The following SKAP2 variants were observed in gnomAD, a reference collection of about 807,000 sequenced individuals.
SKAP2 encodes the protein src kinase-associated phosphoprotein 2.
A neutral mutation model predicts 54.9 loss-of-function variants in SKAP2; 28 were observed. The observed-to-expected ratio is 0.51, with a 90% confidence interval of 0.38 to 0.70. The LOEUF (loss-of-function observed/expected upper bound fraction) is 0.70, where lower values mean the gene tolerates loss of function less well. Among genes scored for constraint, SKAP2 ranks in the 30% least tolerant of loss-of-function variants. The pLI is 0.00. For missense variants in SKAP2, 356 were observed against 424.1 expected, an observed-to-expected ratio of 0.84 and a Z score of 1.41; for synonymous variants, 137 against 134.3, an observed-to-expected ratio of 1.02 and a Z score of -0.14.
intron 6 of SKAP2, among the ~76,000 whole-genome samples, chr7:26,737,838 TGAGA>T (rs1156700837): frequency 1.3e-5 from 2 of 152,230 alleles, no homozygotes; most frequent in Admixed American, 6.5e-5. Flanking sequence ...GAACTACAAC[TGAGA>T]GATTTATTAA....
intron 4 of SKAP2, among the ~76,000 whole-genome samples, chr7:26,772,354 G>C (rs1562604991): frequency 6.6e-6 from 1 of 152,110 alleles, no homozygotes; most frequent in Non-Finnish European, 1.5e-5. Flanking sequence ...TACCCAATAG[G>C]TAGTTTTTTG....
intron 4 of SKAP2, among the ~76,000 whole-genome samples, chr7:26,822,288 T>C (rs903070650): frequency 6.6e-5 from 10 of 152,226 alleles, no homozygotes; most frequent in Non-Finnish European, 1.2e-4. Context: ...CACCATTTTT[T>C]CAATTGCACA....
chr7:26,844,126 C>T lies in SKAP2; in HGVS notation c.211G>A (p.Asp71Asn), dbSNP rs1784875326. 1.3e-6 allele frequency: 2 copies of T among 1,594,132 alleles called. No individual in the cohort carries two copies. The highest frequency in any genetic ancestry group is 1.1e-5 in the South Asian group (1 of 90,530). The change falls in exon 4 of 13, where the codon GAT (aspartate) becomes AAT (asparagine). Residue 71 changes from aspartate to asparagine, a missense_variant. By Grantham distance (23) the Asp-to-Asn change is conservative. Transcript: ENST00000345317. Reference protein sequence around the residue: ...QEFQDKGDAEDGEEYDDPFAG... With the variant: ...QEFQDKGDAENGEEYDDPFAG... ...AAAGGGTCATCATATTCTTCCCCAT[C>T]TTCTGCATCACCTGTTAAAAAAAAA...
intron 4 of SKAP2, among the ~76,000 whole-genome samples, chr7:26,756,778 T>C (rs1252219283): frequency 1.3e-5 from 2 of 152,250 alleles, no homozygotes; most frequent in Non-Finnish European, 2.9e-5. Context: ...ATGGTTGAAC[T>C]AGTTTACAGT....
At chr7:26,774,029 T>C (rs921853416) in intron 4 of SKAP2, among the ~76,000 whole-genome samples, 9 of 152,138 alleles carry the variant, frequency 5.9e-5, no homozygotes, top group African/African-American at 2.2e-4. Context: ...TAAAAGCCTA[T>C]TGGCAGGACA....
At position 26,757,089 on chromosome 7, in the gene SKAP2, C is replaced by T. The variant is rs530324902; in HGVS notation, c.308-17125G>A. On this transcript the variant is annotated intron_variant, in intron 4 of 12. Coordinates refer to ENST00000345317, the MANE Select transcript of SKAP2 (RefSeq NM_003930.5). Reference sequence around the variant, plus strand: ...GGATATTAGCCCTTTGTCGGATGAGCAGATTGCAAAAATTTTCTCCCATTC... The same window carrying T: ...GGATATTAGCCCTTTGTCGGATGAGTAGATTGCAAAAATTTTCTCCCATTC... 7.2e-5 allele frequency among the ~76,000 whole-genome samples: 11 copies of T among 152,166 alleles called. No homozygotes were observed. In the East Asian group the frequency reaches 2.1e-3, roughly 29 times the overall value.
At chr7:26,741,685 G>A (rs1189174730) in intron 4 of SKAP2, among the ~76,000 whole-genome samples, 3 of 151,972 alleles carry the variant, frequency 2.0e-5, no homozygotes, top group African/African-American at 7.3e-5. Context: ...TGATTATCAT[G>A]CATTGTATGC....
At chr7:26,786,749 A>G (rs1292778550) in intron 4 of SKAP2, among the ~76,000 whole-genome samples, 1 of 152,220 alleles carries the variant, frequency 6.6e-6, no homozygotes, top group Non-Finnish European at 1.5e-5. Flanking sequence ...ATCTAAACAC[A>G]TACATTCTGT....
chr7:26,790,735 T>C (rs1227369566), intron 4 of SKAP2, among the ~76,000 whole-genome samples: 1 of 152,198 alleles, frequency 6.6e-6, no homozygotes, highest in African/African-American at 2.4e-5. Flanking sequence ...AAACAAATAT[T>C]TGGATTAGCT....
At position 26,706,756 on chromosome 7, in the gene SKAP2, T is replaced by C. The variant is rs138111325; in HGVS notation, c.797-16394A>G. 1.6e-3 allele frequency among the ~76,000 whole-genome samples: 249 copies of C among 152,328 alleles called. 1 individual carries two copies. Among genetic ancestry groups the C allele is most frequent in the African/African-American group, 5.8e-3 (240 of 41,578 alleles). On this transcript the variant is annotated intron_variant, in intron 9 of 12. Transcript: ENST00000345317. ...AGCACACAGAATAAAATAGGTTATT[T>C]AAATTAGGACTTCAGCTGATTGAAA...
chr7:26,777,882 A>C (rs1783345844), intron 4 of SKAP2, among the ~76,000 whole-genome samples: 1 of 152,198 alleles, frequency 6.6e-6, no homozygotes, highest in Admixed American at 6.5e-5. Flanking sequence ...AATCCTGGTA[A>C]CATACTACAT....
intron 4 of SKAP2, among the ~76,000 whole-genome samples, chr7:26,836,773 G>A (rs1379866064): frequency 6.6e-6 from 1 of 152,234 alleles, no homozygotes; most frequent in Non-Finnish European, 1.5e-5. Context: ...GTGGAAGACA[G>A]TGTGACGATT....
chr7:26,863,140 T>G (rs1467589332), intron 1 of SKAP2, among the ~76,000 whole-genome samples: 2 of 152,170 alleles, frequency 1.3e-5, no homozygotes, highest in Non-Finnish European at 2.9e-5. Flanking sequence ...TGTACCATAA[T>G]CATACAAACA....
rs187098423 is a variant in SKAP2, at chr7:26,765,981, C to A, written c.308-26017G>T. 1.3e-3 allele frequency among the ~76,000 whole-genome samples: 204 copies of A among 152,050 alleles called. 1 individual carries two copies. Among genetic ancestry groups the A allele is most frequent in the Non-Finnish European group, 2.4e-3 (161 of 67,952 alleles). On this transcript the variant is annotated intron_variant, in intron 4 of 12. Coordinates refer to ENST00000345317, the MANE Select transcript of SKAP2 (RefSeq NM_003930.5). ...CTTTTTTGGTTCCATATGAAATTTA[C>A]AGTAGTTTTTTTCTAATTCAGTGAA...
chr7:26,752,501 C>T (rs1368441198), intron 4 of SKAP2, among the ~76,000 whole-genome samples: 1 of 152,128 alleles, frequency 6.6e-6, no homozygotes, highest in Non-Finnish European at 1.5e-5. Flanking sequence ...TTGTTAAACT[C>T]AAGGATAAGA....
At chr7:26,737,806 A>G (rs1286880988) in intron 6 of SKAP2, among the ~76,000 whole-genome samples, 1 of 152,238 alleles carries the variant, frequency 6.6e-6, no homozygotes, top group Non-Finnish European at 1.5e-5. Context: ...TATTTGTTCA[A>G]ATAACAATCT....
chr7:26,856,606 T>G (rs1020128318), intron 1 of SKAP2, among the ~76,000 whole-genome samples: 1 of 152,134 alleles, frequency 6.6e-6, no homozygotes, highest in Non-Finnish European at 1.5e-5. Flanking sequence ...CAAGCAACCT[T>G]TGGATATTTC....
intron 6 of SKAP2, among the ~76,000 whole-genome samples, chr7:26,737,255 G>A (rs7810109): frequency 0.73 from 111,103 of 152,108 alleles, 41,633 homozygotes; most frequent in African/African-American, 0.9. Context: ...TCTATGATCT[G>A]TGATAATCGT....
chr7:26,765,124 C>A (rs1036472833), intron 4 of SKAP2, among the ~76,000 whole-genome samples: 1 of 150,102 alleles, frequency 6.7e-6, no homozygotes, highest in Admixed American at 6.7e-5. Flanking sequence ...TATTTCTCCA[C>A]ATCCTCTCCA....
Sources: allele counts gnomAD v4.1 joint callset (sites outside exome capture counted in the v4.1 genomes callset), GRCh38; gene constraint gnomAD v4.1.1; transcripts MANE v1.5; gene names NCBI Gene and HGNC (gene_info 2026-07-23, HGNC 2026-07-21).